Variants in MPP4 observed in about 807,000 individuals in gnomAD.
MPP4 encodes MAGUK p55 subfamily member 4.
A neutral mutation model predicts 98.3 loss-of-function variants in MPP4; 91 were observed. The ratio of observed to expected loss-of-function variants is 0.93; its 90% CI spans 0.78 to 1.10. The LOEUF (loss-of-function observed/expected upper bound fraction) is 1.10, where lower values mean the gene tolerates loss of function less well. Among genes scored for constraint, MPP4 ranks in the 50% least tolerant of loss-of-function variants. The probability of loss-of-function intolerance (pLI) is 0.00; values close to 1 mark genes in which losing one functional copy is unlikely to be tolerated. For missense variants in MPP4, 744 were observed against 792.9 expected (o/e 0.94, Z 0.74); for synonymous variants, 261 against 271.8 (o/e 0.96, Z 0.39).
chr2:201,661,220 C>CT (rs11400020), intron 14 of MPP4, among the ~76,000 whole-genome samples: 66,591 of 140,608 alleles, frequency 0.47, 16,895 homozygotes, highest in South Asian at 0.63. Flanking sequence ...CATATCCAGC[C>CT]TTTTTTTTTT....
At chr2:201,650,974 A>G (rs1269333931) in intron 18 of MPP4, 13 of 984,998 alleles carry the variant, frequency 1.3e-5, no homozygotes, top group Non-Finnish European at 1.6e-5. Context: ...CATTTATTCA[A>G]CTAGTGTGTA....
chr2:201,651,756 C>T (rs1687718350), intron 18 of MPP4: 1 of 551,858 alleles, frequency 1.8e-6, no homozygotes, highest in South Asian at 7.9e-5. Context: ...GAGTACAAGA[C>T]CAGCCTAGCC....
In MPP4 at chr2:201,680,804, C is replaced by T. The variant is rs374661032; in HGVS notation, c.929+34G>A. 11 of 1,573,066 alleles carry T rather than the reference C, an allele frequency of 7.0e-6. No individual in the cohort carries two copies. The African/African-American group carries it at 1.2e-4, about 17-fold the overall frequency. ...AAAAACATTTTGTTTCCTGATGGTT[C>T]AGCCCTGAGTCCAGGAGTGGTGACG... is the stretch of plus-strand genomic sequence containing the variant. On this transcript the variant is annotated intron_variant, in intron 10 of 21. Coordinates refer to ENST00000409474, the MANE Select transcript of MPP4 (RefSeq NM_033066.3).
At chr2:201,690,148 G>A (rs540949202) in intron 4 of MPP4, 54 bp downstream of exon 4, 593 of 1,202,866 alleles carry the variant, frequency 4.9e-4, no homozygotes, top group Non-Finnish European at 6.5e-4. Flanking sequence ...AGCAATGTGG[G>A]GAAAATGGCA....
Position 201,687,291 on chromosome 2 carries a change from C to T in MPP4, c.360G>A (p.Lys120=), listed in dbSNP as rs993268120. The T allele has an allele frequency of 2.5e-6, 4 of 1,572,180 alleles. No homozygotes were observed. Among genetic ancestry groups the T allele is most frequent in the Non-Finnish European group, 3.5e-6 (4 of 1,156,948 alleles). ...CTTTTCTATTTTAGCAGGCACTTGC[C>T]TTGAAGTGTGGAGCCTGGAGCATTT... ...LRQMLQAPHF[K]ALLSAHDTIA... Residue 120 remains lysine, a splice_region_variant and synonymous_variant, in exon 5 of 22, where the codon AAG becomes AAA. Transcript: ENST00000409474.
At chr2:201,684,969 A>G in intron 7 of MPP4, 95 bp downstream of exon 7, 1 of 1,121,288 alleles carries the variant, frequency 8.9e-7, no homozygotes, top group Non-Finnish European at 1.2e-6. Context: ...AAGAAAAAAA[A>G]AAAGAAAAAA....
intron 1 of MPP4, among the ~76,000 whole-genome samples, chr2:201,695,077 G>A (rs1208071): frequency 0.013 from 1,944 of 152,206 alleles, 29 homozygotes; most frequent in African/African-American, 0.034. Flanking sequence ...TATCTTGTTC[G>A]TGTGAAAGTT....
rs1574640396 is a variant in MPP4, at chr2:201,693,027, G to A, written c.82C>T (p.Leu28Phe). ...LSTATNPQNGLSQILRLVLQE... is the reference protein window; with the variant it reads ...LSTATNPQNGFSQILRLVLQE... ...AGCACAAGCCTCAGGATCTGGGAGA[G>A]GCCTAGGAAAGGAAGAGAGCAGAGA... is the stretch of plus-strand genomic sequence containing the variant. Residue 28 changes from leucine to phenylalanine, a missense_variant and splice_region_variant, in exon 3 of 22, where the codon CTC becomes TTC. Coordinates refer to ENST00000409474, the MANE Select transcript of MPP4 (RefSeq NM_033066.3). 1.9e-6 allele frequency: 3 copies of A among 1,611,182 alleles called. No individual in the cohort carries two copies. Among genetic ancestry groups the A allele is most frequent in the East Asian group, 2.2e-5 (1 of 44,826 alleles).
At chr2:201,650,549 C>T in intron 18 of MPP4, 1 of 985,388 alleles carries the variant, frequency 1.0e-6, no homozygotes, top group Non-Finnish European at 1.2e-6. Context: ...CCCATGATCT[C>T]ATTTCATCTT....
intron 10 of MPP4, among the ~76,000 whole-genome samples, chr2:201,678,171 C>A (rs568060816): frequency 3.0e-4 from 45 of 152,242 alleles, no homozygotes; most frequent in Non-Finnish European, 4.7e-4. Flanking sequence ...TGTGTGCCCC[C>A]CCAAGAAACC....
chr2:201,646,426 A>C (rs564352865), intron 21 of MPP4, among the ~76,000 whole-genome samples: 1 of 152,274 alleles, frequency 6.6e-6, no homozygotes, highest in South Asian at 2.1e-4. Flanking sequence ...TTATTTTCTT[A>C]TTAGTTCATG....
intron 12 of MPP4, chr2:201,666,839 C>A (rs931812314): frequency 6.6e-6 from 1 of 152,234 alleles, no homozygotes; most frequent in Non-Finnish European, 1.5e-5. Context: ...ACTCAGTCCA[C>A]CTTATGATAA....
intron 8 of MPP4, 23 bp from the exon 9 acceptor site, chr2:201,681,590 G>A (rs774160135): frequency 3.1e-6 from 5 of 1,599,270 alleles, no homozygotes; most frequent in Non-Finnish European, 4.3e-6. Context: ...AGAGGAGAAA[G>A]GATGACAATC....
rs752634578 is a variant in MPP4, at chr2:201,687,372, C to T, written c.280-1G>A. On this transcript the variant is annotated splice_acceptor_variant, in intron 4 of 21. Transcript: ENST00000409474. LOFTEE classifies it high-confidence loss of function. ...GGGTTTCACGTAATAACTCCACTAC[C>T]TGGTTCATGGAAAAGGATACATTAT... The T allele has an allele frequency of 6.4e-7, 1 of 1,571,014 alleles. No individual in the cohort carries two copies. Among genetic ancestry groups the T allele is most frequent in the Admixed American group, 1.8e-5 (1 of 54,210 alleles).
rs560151322 is a variant in MPP4 at position 201,674,990 on chromosome 2, T to C, written c.994+217A>G. The C allele has an allele frequency of 1.9e-5, 13 of 675,534 alleles. No individual in the cohort carries two copies. In the East Asian group the frequency reaches 2.8e-4, roughly 15 times the overall value. The allele number at this position is 675,534 out of a possible 1,614,324, so 41.8% of individuals were successfully genotyped here. On this transcript the variant is annotated intron_variant, in intron 11 of 21. Transcript: ENST00000409474. The stretch of plus-strand genomic sequence containing the variant: ...TTTCGTCTCTGATCCAACCAATCAG[T>C]AGCAAGTGCCCACTGAATAGCCACC...
At chr2:201,656,141 G>C in intron 17 of MPP4, 57 bp downstream of exon 17, 1 of 1,496,410 alleles carries the variant, frequency 6.7e-7, no homozygotes, top group Non-Finnish European at 9.0e-7. Flanking sequence ...CAAGACACCT[G>C]AATCTAGAAG....
chr2:201,666,453 GC>G (rs1688177473), intron 12 of MPP4, 81 bp from the exon 13 acceptor site: 1 of 1,125,552 alleles, frequency 8.9e-7, no homozygotes. Context: ...AGGCATGGTG[GC>G]TCATGCCTGT....
chr2:201,697,330 T>G (rs939427861), intron 1 of MPP4, among the ~76,000 whole-genome samples: 1 of 152,174 alleles, frequency 6.6e-6, no homozygotes, highest in Non-Finnish European at 1.5e-5. Flanking sequence ...AAAATGATTT[T>G]CCCTCCCTCC....
intron 14 of MPP4, among the ~76,000 whole-genome samples, chr2:201,662,335 T>C (rs919838247): frequency 1.3e-5 from 2 of 150,400 alleles, no homozygotes; most frequent in African/African-American, 4.9e-5. Flanking sequence ...AACCCGTCTC[T>C]ACTAAAAATA....
Sources: gnomAD v4.1 joint callset for allele counts (sites outside exome capture counted in the v4.1 genomes callset) on GRCh38, gnomAD v4.1.1 for gene constraint, MANE v1.5 for transcripts, NCBI Gene and HGNC (gene_info 2026-07-23, HGNC 2026-07-21) for gene names.